The following SLC27A1 variants were observed in gnomAD, a reference collection of about 807,000 sequenced individuals.
SLC27A1 encodes the protein solute carrier family 27 member 1.
SLC27A1 carries 61 observed loss-of-function variants against 62.2 expected under a neutral mutation model. That is an observed-to-expected ratio of 0.98 (90% CI 0.80 to 1.21). The LOEUF (loss-of-function observed/expected upper bound fraction) is 1.21. SLC27A1 is among the 50% of genes most tolerant of loss of function. The pLI is 0.00. For synonymous variants in SLC27A1, 435 were observed against 408.6 expected, an observed-to-expected ratio of 1.06 and a Z score of -0.78; for missense variants, 903 against 932.1, an observed-to-expected ratio of 0.97 and a Z score of 0.41.
Position 17,486,593 on chromosome 19 carries a change from G to C in SLC27A1, c.198G>C (p.Leu66=). 6.3e-7 allele frequency: 1 copy of C among 1,593,700 alleles called. No individual in the cohort carries two copies. Among genetic ancestry groups the C allele is most frequent in the South Asian group, 1.1e-5 (1 of 89,894 alleles). ...FGLSVLIRVR[L]ELRRHQRAGH... ...TCTCTGTGCTGATCCGCGTGCGCCT[G>C]GAGCTGCGGCGGCACCAGCGTGCCG... is the stretch of plus-strand genomic sequence containing the variant. The change falls in exon 2 of 12, where the codon CTG becomes CTC. Residue 66 remains leucine, a synonymous_variant. Coordinates refer to ENST00000252595, the MANE Select transcript of SLC27A1 (RefSeq NM_198580.3). The surrounding 1 kb of genome is among the most constrained non-coding windows in gnomAD (Gnocchi z 6.6).
chr19:17,472,937 A>G (rs1247139397), intron 1 of SLC27A1, among the ~76,000 whole-genome samples: 2 of 151,872 alleles, frequency 1.3e-5, no homozygotes, highest in Non-Finnish European at 2.9e-5. Flanking sequence ...TGGGACTACA[A>G]ACGCCTGCCT....
chr19:17,490,590 C>G (rs1181694642), intron 6 of SLC27A1, among the ~76,000 whole-genome samples: 1 of 152,146 alleles, frequency 6.6e-6, no homozygotes. Flanking sequence ...CTCCCCACCT[C>G]CCCACATCCT....
At chr19:17,495,361 A>G (rs1211449199) in intron 6 of SLC27A1, 3 of 145,700 alleles carry the variant, frequency 2.1e-5, no homozygotes, top group East Asian at 4.0e-4. Flanking sequence ...GGCCCACTGC[A>G]AGCTCCGCCT....
At chr19:17,474,204 A>G (rs1327764186) in intron 1 of SLC27A1, among the ~76,000 whole-genome samples, 2 of 152,132 alleles carry the variant, frequency 1.3e-5, no homozygotes, top group African/African-American at 2.4e-5. Context: ...TCAGCCTCCC[A>G]AAGTGCTAGG....
upstream of SLC27A1, among the ~76,000 whole-genome samples, chr19:17,469,971 G>C (rs2075057814): frequency 1.3e-5 from 2 of 151,556 alleles, no homozygotes; most frequent in African/African-American, 4.9e-5. Context: ...GACTCGGGGA[G>C]AGGGCTTGTA....
chr19:17,476,357 G>A (rs1363586332), intron 1 of SLC27A1, among the ~76,000 whole-genome samples: 3 of 152,026 alleles, frequency 2.0e-5, no homozygotes, highest in African/African-American at 7.2e-5. Flanking sequence ...CCAACGTGGC[G>A]AAACCCTGTC....
At chr19:17,494,428 G>A (rs11086071) in intron 6 of SLC27A1, among the ~76,000 whole-genome samples, 119,384 of 151,622 alleles carry the variant, frequency 0.79, 48,223 homozygotes, top group Non-Finnish European at 0.89. Flanking sequence ...CCTGGGTTCA[G>A]GTGATTCTCC....
chr19:17,469,888 G>C (rs1358280761), upstream of SLC27A1, among the ~76,000 whole-genome samples: 5 of 145,292 alleles, frequency 3.4e-5, no homozygotes, highest in South Asian at 1.1e-3. Flanking sequence ...GGAGGGTGGG[G>C]CGTGTGCTTA....
chr19:17,488,918 C>T lies in SLC27A1; in HGVS notation c.865C>T (p.Leu289=), dbSNP rs141642913. 38 of 1,614,056 alleles carry T rather than the reference C, an allele frequency of 2.4e-5. No individual in the cohort carries two copies. The African/African-American group carries it at 4.9e-4, about 21-fold the overall frequency. ...GGCGGCTGACGTGCTCTATGACTGCCTGCCCCTGTACCACTCGGCAGGTAC... is the reference window on the plus strand; with the variant it reads ...GGCGGCTGACGTGCTCTATGACTGCTTGCCCCTGTACCACTCGGCAGGTAC... The part of the protein sequence containing the change: ...MQAADVLYDC[L]PLYHSAGNII... Residue 289 remains leucine (L), a synonymous_variant, in exon 5 of 12, where the codon CTG becomes TTG. Transcript: ENST00000252595.
chr19:17,478,827 T>G (rs934636625), intron 1 of SLC27A1, among the ~76,000 whole-genome samples: 1 of 152,012 alleles, frequency 6.6e-6, no homozygotes, highest in Non-Finnish European at 1.5e-5. Flanking sequence ...GAGCCGAGAT[T>G]GTGCCACTGC....
chr19:17,491,910 T>G (rs1265686244), intron 6 of SLC27A1, among the ~76,000 whole-genome samples: 9 of 151,976 alleles, frequency 5.9e-5, no homozygotes, highest in East Asian at 1.9e-4. Flanking sequence ...GAAAAGAAAA[T>G]ATTTCATCTG....
intron 7 of SLC27A1, 184 bp downstream of exon 7, chr19:17,497,648 C>T (rs2075365359): frequency 3.0e-6 from 2 of 658,852 alleles, no homozygotes; most frequent in Non-Finnish European, 5.4e-6. Flanking sequence ...GAGGGACAAT[C>T]CTGCAGCCTG....
rs146534998 is a variant in SLC27A1, at chr19:17,500,382, C to T, written c.1311C>T (p.Gly437=). Residue 437 remains glycine, a synonymous_variant, in exon 8 of 12, where the codon GGC becomes GGT. Coordinates refer to ENST00000252595, the MANE Select transcript of SLC27A1 (RefSeq NM_198580.3). ...DTMELLRDAQ[G]LCIPCQAGEP... The stretch of plus-strand genomic sequence containing the variant: ...TGGAGCTGCTGCGGGATGCCCAGGG[C>T]CTCTGCATCCCCTGCCAGGCCGGTG... 402 of 1,614,026 alleles carry T rather than the reference C, an allele frequency of 2.5e-4. No individual in the cohort carries two copies. The African/African-American group carries it at 4.5e-3, about 18-fold the overall frequency.
intron 1 of SLC27A1, among the ~76,000 whole-genome samples, chr19:17,477,976 A>G (rs1330592881): frequency 6.6e-6 from 1 of 152,210 alleles, no homozygotes; most frequent in Admixed American, 6.5e-5. Flanking sequence ...GGCCTCCCAG[A>G]GTGCTGGAAT....
intron 1 of SLC27A1, among the ~76,000 whole-genome samples, chr19:17,478,194 C>T (rs1312587530): frequency 2.6e-5 from 4 of 152,152 alleles, no homozygotes; most frequent in East Asian, 3.9e-4. Context: ...CAGCTGGGCG[C>T]GGTGGCTCAT....
At chr19:17,476,284 C>T (rs565682547) in intron 1 of SLC27A1, among the ~76,000 whole-genome samples, 27 of 152,208 alleles carry the variant, frequency 1.8e-4, no homozygotes, top group Middle Eastern at 3.4e-3. Flanking sequence ...GCCTGTAATC[C>T]CAGCACTTTG....
At chr19:17,488,286 A>T (rs1436489390) in intron 4 of SLC27A1, among the ~76,000 whole-genome samples, 2 of 152,210 alleles carry the variant, frequency 1.3e-5, no homozygotes, top group Non-Finnish European at 2.9e-5. Flanking sequence ...TTGAACCCAG[A>T]GGCGGAGGTT....
At chr19:17,497,842 C>T (rs1387092511) in intron 7 of SLC27A1, 2 of 260,684 alleles carry the variant, frequency 7.7e-6, no homozygotes, top group East Asian at 1.6e-4. Context: ...CAGAGTCTCG[C>T]TCTGTCGCCC....
intron 6 of SLC27A1, chr19:17,495,954 T>C (rs959242903): frequency 3.9e-5 from 6 of 152,368 alleles, no homozygotes; most frequent in Admixed American, 2.6e-4. Flanking sequence ...GGCAAATGCA[T>C]CTGGGGGAAG....
Sources: gnomAD v4.1 joint callset for allele counts (sites outside exome capture counted in the v4.1 genomes callset) on GRCh38, gnomAD v4.1.1 for gene constraint, Gnocchi (gnomAD v3.1) non-coding constraint, MANE v1.5 for transcripts, NCBI Gene and HGNC (gene_info 2026-07-23, HGNC 2026-07-21) for gene names.